The following BMPR1B variants were observed in gnomAD, a reference collection of about 807,000 sequenced individuals.
BMPR1B encodes bone morphogenetic protein receptor type 1B, also known as bone morphogenetic protein receptor type-1B.
Under a neutral mutation model 59.1 loss-of-function variants are expected in BMPR1B, and 12 were observed. The ratio of observed to expected loss-of-function variants is 0.20; its 90% CI spans 0.13 to 0.33. BMPR1B has a LOEUF of 0.33. Among genes scored for constraint, BMPR1B ranks in the 10% least tolerant of loss-of-function variants. The probability of loss-of-function intolerance (pLI) is 1.00; values close to 1 mark genes in which losing one functional copy is unlikely to be tolerated. For missense variants in BMPR1B, 550 were observed against 610.9 expected (o/e 0.90, Z 1.05); for synonymous variants, 237 against 207.3 (o/e 1.14, Z -1.23).
chr4:95,086,597 G>A (rs1291215773), intron 3 of BMPR1B, among the ~76,000 whole-genome samples: 1 of 152,164 alleles, frequency 6.6e-6, no homozygotes, highest in African/African-American at 2.4e-5. Flanking sequence ...AACATTAAAG[G>A]TTTACTAAGA....
At chr4:95,111,322 A>T (rs528295941) in intron 4 of BMPR1B, among the ~76,000 whole-genome samples, 1 of 152,238 alleles carries the variant, frequency 6.6e-6, no homozygotes, top group African/African-American at 2.4e-5. Flanking sequence ...GTCTCTTCTC[A>T]ACTGTGGTGG....
At chr4:94,973,716 C>T (rs1216895510) in intron 2 of BMPR1B, among the ~76,000 whole-genome samples, 5 of 152,140 alleles carry the variant, frequency 3.3e-5, no homozygotes, top group Non-Finnish European at 5.9e-5. Context: ...GGTTTCGCTG[C>T]CCTTTCTGCC....
rs138553860 is a variant in BMPR1B, at chr4:94,759,929, A to G, written c.-183+1861A>G. Among the ~76,000 whole-genome samples, 3 of 152,342 alleles carry G rather than the reference A, an allele frequency of 2.0e-5. No homozygotes were observed. In the East Asian group the frequency reaches 5.8e-4, roughly 29 times the overall value. On this transcript the variant is annotated intron_variant, in intron 1 of 12. Coordinates refer to ENST00000515059, the MANE Select transcript of BMPR1B (RefSeq NM_001203.3). ...TTTTCACTGTTTTCTTTAGTCATGC[A>G]TAATGTACCTTTGTGTTTAGCAAAA...
At chr4:95,119,004 C>T (rs966146559) in intron 6 of BMPR1B, among the ~76,000 whole-genome samples, 1 of 152,128 alleles carries the variant, frequency 6.6e-6, no homozygotes, top group Non-Finnish European at 1.5e-5. Flanking sequence ...AAGTAATACA[C>T]AGTGTTCTTG....
intron 2 of BMPR1B, among the ~76,000 whole-genome samples, chr4:94,978,912 T>G (rs1731128674): frequency 6.6e-6 from 1 of 150,626 alleles, no homozygotes; most frequent in African/African-American, 2.5e-5. Context: ...AAGGCACACC[T>G]TACATGGTGG....
At chr4:94,904,630 A>G (rs1727968148) in intron 2 of BMPR1B, among the ~76,000 whole-genome samples, 5 of 152,066 alleles carry the variant, frequency 3.3e-5, no homozygotes, top group Admixed American at 3.3e-4. Context: ...TGCTTATTCT[A>G]AAATGAAAGA....
chr4:95,127,060 G>C (rs1281366062), intron 8 of BMPR1B, among the ~76,000 whole-genome samples: 1 of 151,910 alleles, frequency 6.6e-6, no homozygotes, highest in East Asian at 1.9e-4. Flanking sequence ...GTGTGTGTGT[G>C]TGTGTGTGTG....
intron 9 of BMPR1B, among the ~76,000 whole-genome samples, chr4:95,130,614 C>G (rs1733260773): frequency 6.6e-6 from 1 of 151,340 alleles, no homozygotes; most frequent in South Asian, 2.1e-4. Context: ...TTTGTAATAC[C>G]ATAAAGTAGT....
intron 10 of BMPR1B, among the ~76,000 whole-genome samples, chr4:95,134,691 C>T (rs2149306344): frequency 6.6e-6 from 1 of 152,288 alleles, no homozygotes; most frequent in South Asian, 2.1e-4. Context: ...TGTTCATATC[C>T]TTCGCCCACT....
chr4:94,966,737 C>G (rs993063856), intron 2 of BMPR1B, among the ~76,000 whole-genome samples: 2 of 152,018 alleles, frequency 1.3e-5, no homozygotes, highest in African/African-American at 4.8e-5. Flanking sequence ...ACTTTCATGC[C>G]TGAAATTTTT....
At chr4:95,097,975 AAAAC>A (rs757150045) in intron 3 of BMPR1B, among the ~76,000 whole-genome samples, 34 of 152,310 alleles carry the variant, frequency 2.2e-4, no homozygotes, top group African/African-American at 6.0e-4. Context: ...TTATAAAACT[AAAAC>A]AAAATCAAGT....
intron 10 of BMPR1B, among the ~76,000 whole-genome samples, chr4:95,140,162 G>C (rs914705111): frequency 6.6e-6 from 1 of 152,068 alleles, no homozygotes; most frequent in South Asian, 2.1e-4. Context: ...AGTCATCATT[G>C]ACTACTTATT....
chr4:94,819,812 AT>A (rs1262348879), intron 1 of BMPR1B, among the ~76,000 whole-genome samples: 1 of 152,228 alleles, frequency 6.6e-6, no homozygotes, highest in Non-Finnish European at 1.5e-5. Context: ...AGTAGTGTAC[AT>A]TTGAACACAG....
chr4:95,103,939 ACT>A (rs1452430283), intron 3 of BMPR1B, among the ~76,000 whole-genome samples: 1 of 152,062 alleles, frequency 6.6e-6, no homozygotes, highest in Non-Finnish European at 1.5e-5. Context: ...AAGTAGAGAG[ACT>A]CTGTGATATG....
chr4:94,824,146 A>G (rs1031717633), intron 1 of BMPR1B, among the ~76,000 whole-genome samples: 3 of 152,260 alleles, frequency 2.0e-5, no homozygotes, highest in Admixed American at 1.3e-4. Flanking sequence ...ATCTAATTCA[A>G]GCATTTAAAG....
At chr4:95,079,977 T>C (rs1407097854) in intron 3 of BMPR1B, among the ~76,000 whole-genome samples, 1 of 152,152 alleles carries the variant, frequency 6.6e-6, no homozygotes, top group African/African-American at 2.4e-5. Flanking sequence ...TATTTGCCAA[T>C]ACTTCATAAC....
rs1735418658 is a variant in BMPR1B, at chr4:95,156,324, T to TG, written c.*1651_*1652insG. 1.3e-5 allele frequency: 2 copies of TG among 152,006 alleles called. No homozygotes were observed. The highest frequency in any genetic ancestry group is 4.8e-5 in the African/African-American group (2 of 41,414). 9.4% of individuals were successfully genotyped at this position (152,006 alleles called of 1,614,324 possible). On this transcript the variant is annotated 3_prime_UTR_variant, in exon 13 of 13. Transcript: ENST00000515059. The stretch of plus-strand genomic sequence containing the variant: ...AAAGTACTTTCTCCTTGCTGTTTTT[T>TG]TTTTTTTTTAAGACATTCCTCCCAG...
chr4:95,026,134 C>CTTTCTTTCTTTCTTTCTTTCTTTCTTTCT (rs1578949836), intron 3 of BMPR1B, among the ~76,000 whole-genome samples: 2 of 147,720 alleles, frequency 1.4e-5, no homozygotes, highest in East Asian at 4.0e-4. Flanking sequence ...TTCTTTCTTT[C>CTTTCTTTCTTTCTTTCTTTCTTTCTTTCT]TTTCTTTCTT....
chr4:95,097,282 A>G (rs796414458), intron 3 of BMPR1B, among the ~76,000 whole-genome samples: 25 of 151,542 alleles, frequency 1.6e-4, no homozygotes, highest in African/African-American at 6.0e-4. Context: ...GGAATAAAAG[A>G]AAAAAATGGC....
Sources: gnomAD v4.1 joint callset for allele counts (sites outside exome capture counted in the v4.1 genomes callset) on GRCh38, gnomAD v4.1.1 for gene constraint, MANE v1.5 for transcripts, NCBI Gene and HGNC (gene_info 2026-07-23, HGNC 2026-07-21) for gene names.